SYDE2: variants seen among roughly 807,000 people sequenced by gnomAD.
SYDE2 encodes the protein rho GTPase-activating protein SYDE2.
SYDE2 carries 76 observed loss-of-function variants against 91.5 expected under a neutral mutation model. The ratio of observed to expected loss-of-function variants is 0.83; its 90% CI spans 0.69 to 1.01. SYDE2 has a LOEUF of 1.01. SYDE2 is among the 50% of genes least tolerant of loss of function. The pLI, the probability that SYDE2 is intolerant of heterozygous loss-of-function variation, is 0.00. For synonymous variants in SYDE2, 513 were observed against 506.4 expected, an observed-to-expected ratio of 1.01 and a Z score of -0.18; for missense variants, 1,364 against 1,367.7, an observed-to-expected ratio of 1.00 and a Z score of 0.04.
At position 85,190,572 on chromosome 1, in the gene SYDE2, T is replaced by C; in HGVS notation, c.926A>G (p.Gln309Arg). 6.2e-7 allele frequency: 1 copy of C among 1,613,992 alleles called. No homozygotes were observed. Among genetic ancestry groups the C allele is most frequent in the African/African-American group, 1.3e-5 (1 of 75,072 alleles). Residue 309 changes from glutamine to arginine, a missense_variant, in exon 2 of 7, where the codon CAA becomes CGA. Coordinates refer to ENST00000341460, the MANE Select transcript of SYDE2 (RefSeq NM_032184.2). ...LNLEEENKKC[Q>R]DRSHLSISPV... is the part of the protein sequence containing the mutation. ...TGAGATGGATAAATGACTTCTATCT[T>C]GGCATTTCTTATTTTCTTCTTCCAG...
At chr1:85,166,658 C>T (rs1450070147) in intron 5 of SYDE2, among the ~76,000 whole-genome samples, 2 of 152,204 alleles carry the variant, frequency 1.3e-5, no homozygotes. Context: ...AAGAATATGG[C>T]ATTTTAAATC....
At chr1:85,193,202 T>C (rs200948896) in intron 1 of SYDE2, among the ~76,000 whole-genome samples, 1 of 152,264 alleles carries the variant, frequency 6.6e-6, no homozygotes, top group East Asian at 1.9e-4. Context: ...CTGGGGTTTC[T>C]GGGTTTTCAG....
intron 5 of SYDE2, among the ~76,000 whole-genome samples, chr1:85,166,161 G>A (rs887933878): frequency 5.3e-5 from 8 of 151,818 alleles, no homozygotes; most frequent in African/African-American, 1.9e-4. Flanking sequence ...GTCAACATGG[G>A]AAACCCCGAC....
At chr1:85,191,156 T>C (rs1333273643) in intron 1 of SYDE2, among the ~76,000 whole-genome samples, 1 of 152,168 alleles carries the variant, frequency 6.6e-6, no homozygotes, top group Admixed American at 6.5e-5. Context: ...CTTAGAAATA[T>C]AATATTCCTC....
intron 6 of SYDE2, chr1:85,160,295 TGG>T (rs1424746065): frequency 2.1e-6 from 2 of 933,818 alleles, no homozygotes; most frequent in African/African-American, 3.6e-5. Context: ...AACATATATA[TGG>T]TTCTAGTTTT....
At chr1:85,189,818 G>A (rs2100685343) in intron 2 of SYDE2, among the ~76,000 whole-genome samples, 1 of 152,330 alleles carries the variant, frequency 6.6e-6, no homozygotes, top group Middle Eastern at 3.4e-3. Flanking sequence ...CTGGGTGACA[G>A]AGTGAGACCC....
At chr1:85,190,773 A>T in intron 1 of SYDE2, 21 bp from the exon 2 acceptor site, 1 of 1,553,286 alleles carries the variant, frequency 6.4e-7, no homozygotes, top group South Asian at 1.2e-5. Flanking sequence ...GATAGAATAG[A>T]AGGTAGAATA....
rs753093494 is a variant in SYDE2, at chr1:85,183,097, T to A, written c.1545A>T (p.Ser515=). 9.3e-6 allele frequency: 15 copies of A among 1,613,452 alleles called. No homozygotes were observed. The highest frequency in any genetic ancestry group is 1.2e-5 in the Non-Finnish European group (14 of 1,179,748). ...PVKKGSSINW[S]LPDKIKSPRT... Reference sequence around the variant, plus strand: ...GTGGAGATTTTATTTTATCTGGCAATGACCAATTAATTGAACTGCCTTTTT... The same window carrying A: ...GTGGAGATTTTATTTTATCTGGCAAAGACCAATTAATTGAACTGCCTTTTT... Residue 515 remains serine, a synonymous_variant, in exon 3 of 7, where the codon TCA becomes TCT. Coordinates refer to ENST00000341460, the MANE Select transcript of SYDE2 (RefSeq NM_032184.2).
At chr1:85,161,518 G>A (rs1571224214) in intron 6 of SYDE2, among the ~76,000 whole-genome samples, 1 of 152,108 alleles carries the variant, frequency 6.6e-6, no homozygotes, top group African/African-American at 2.4e-5. Flanking sequence ...TTGAAGTCAG[G>A]AGTTCGAGAT....
rs1029000411 is a variant in SYDE2, at chr1:85,157,570, T to G, written c.*1180A>C. ...TCACCAGTGCAGAAATCTGGGTACT[T>G]AATCCCTTAAGGAGTTAGAGGATTT... On this transcript the variant is annotated 3_prime_UTR_variant, in exon 7 of 7. Transcript: ENST00000341460. The G allele has an allele frequency of 1.3e-5, 2 of 152,164 alleles. No individual in the cohort carries two copies. The highest frequency in any genetic ancestry group is 4.8e-5 in the African/African-American group (2 of 41,462). The allele number at this position is 152,164 out of a possible 1,614,324, so 9.4% of individuals were successfully genotyped here.
At chr1:85,164,795 G>T in intron 5 of SYDE2, 38 bp from the exon 6 acceptor site, 5 of 1,212,090 alleles carry the variant, frequency 4.1e-6, no homozygotes, top group Non-Finnish European at 4.3e-6. Context: ...TAGTCATAAA[G>T]AGGCAAATTC....
rs1401074412 is a variant in SYDE2, at chr1:85,190,746, A to T, written c.752T>A (p.Phe251Tyr). ...PDQRITLTDL[F>Y]ENAYGSSMKG... ...CATTGAAGACCCATAGGCATTTTCA[A>T]ATAAATCTGTTGCAAAGATAGAATA... The change falls in exon 2 of 7, where the codon TTT becomes TAT. Residue 251 changes from phenylalanine to tyrosine, a missense_variant. Coordinates refer to ENST00000341460, the MANE Select transcript of SYDE2 (RefSeq NM_032184.2). 2.5e-6 allele frequency: 4 copies of T among 1,591,302 alleles called. No individual in the cohort carries two copies. The highest frequency in any genetic ancestry group is 2.7e-5 in the African/African-American group (2 of 73,654).
intron 4 of SYDE2, among the ~76,000 whole-genome samples, chr1:85,175,518 A>C (rs111874565): frequency 1.3e-5 from 2 of 152,128 alleles, no homozygotes; most frequent in African/African-American, 2.4e-5. Flanking sequence ...TTACGAATGG[A>C]TTTTATACCT....
intron 4 of SYDE2, among the ~76,000 whole-genome samples, chr1:85,173,059 A>C (rs1657560141): frequency 6.6e-6 from 1 of 152,086 alleles, no homozygotes; most frequent in East Asian, 1.9e-4. Context: ...CCCACCCCCA[A>C]CCAAAAATAA....
intron 6 of SYDE2, among the ~76,000 whole-genome samples, chr1:85,162,070 T>C (rs914996661): frequency 1.3e-5 from 2 of 152,200 alleles, no homozygotes; most frequent in Non-Finnish European, 2.9e-5. Flanking sequence ...CTAATGCTGA[T>C]ACGCTGAAGT....
intron 2 of SYDE2, among the ~76,000 whole-genome samples, 196 bp downstream of exon 2, chr1:85,189,861 G>A (rs1658292577): frequency 6.6e-6 from 1 of 152,060 alleles, no homozygotes; most frequent in Non-Finnish European, 1.5e-5. Context: ...AATCAAGTCT[G>A]TGATAGTAAT....
Position 85,182,216 on chromosome 1 carries a change from T to C in SYDE2, c.2426A>G (p.Gln809Arg), listed in dbSNP as rs774664889. The C allele has an allele frequency of 3.1e-6, 5 of 1,610,014 alleles. No homozygotes were observed. The highest frequency in any genetic ancestry group is 4.2e-6 in the Non-Finnish European group (5 of 1,178,270). Residue 809 changes from glutamine (Q) to arginine (R), a missense_variant, in exon 3 of 7, where the codon CAA becomes CGA. Gln to Arg is a conservative substitution (Grantham distance 43, BLOSUM62 1). Coordinates refer to ENST00000341460, the MANE Select transcript of SYDE2 (RefSeq NM_032184.2). ...ATCAACTCCAAATATTATTGGTTCT[T>C]GGTTTATATCTAGTCCATGAAGAGA... ...ENSLHGLDINQEPIIFGVDIQ... is the reference protein window; with the variant it reads ...ENSLHGLDINREPIIFGVDIQ...
At chr1:85,180,420 G>A (rs767356161) in intron 3 of SYDE2, among the ~76,000 whole-genome samples, 1 of 151,992 alleles carries the variant, frequency 6.6e-6, no homozygotes, top group African/African-American at 2.4e-5. Flanking sequence ...GGCCGGACGC[G>A]GTGGCTCACA....
At chr1:85,187,374 T>C (rs1292759259) in intron 2 of SYDE2, among the ~76,000 whole-genome samples, 2 of 152,094 alleles carry the variant, frequency 1.3e-5, no homozygotes, top group Admixed American at 6.5e-5. Flanking sequence ...CAACAGGTGC[T>C]GGAGAGGATG....
Sources: allele counts gnomAD v4.1 joint callset (sites outside exome capture counted in the v4.1 genomes callset), GRCh38; gene constraint gnomAD v4.1.1; transcripts MANE v1.5; gene names NCBI Gene and HGNC (gene_info 2026-07-23, HGNC 2026-07-21).